Variants in CAMTA1 observed in about 807,000 individuals in gnomAD.
CAMTA1 encodes calmodulin-binding transcription activator 1.
Under a neutral mutation model 170.9 loss-of-function variants are expected in CAMTA1, and 27 were observed. That is an observed-to-expected ratio of 0.16 (90% CI 0.12 to 0.22). CAMTA1 has a LOEUF of 0.22. CAMTA1 is among the 10% of genes least tolerant of loss of function. The pLI is 1.00. For synonymous variants in CAMTA1, 833 were observed against 891.5 expected (o/e 0.93, Z 1.17); for missense variants, 1,619 against 2,217.2 (o/e 0.73, Z 5.42).
intron 3 of CAMTA1, among the ~76,000 whole-genome samples, chr1:6,975,770 A>G (rs6679134): frequency 0.49 from 74,457 of 151,934 alleles, 18,422 homozygotes; most frequent in East Asian, 0.6. Flanking sequence ...TAATCGCCCC[A>G]AAAGGAAGCC....
chr1:7,117,685 G>T (rs188720803), intron 4 of CAMTA1, among the ~76,000 whole-genome samples: 5 of 152,250 alleles, frequency 3.3e-5, no homozygotes, highest in Admixed American at 3.3e-4. Flanking sequence ...GGCCTCTGGC[G>T]CTGGCTTATG....
chr1:7,619,838 C>T (rs542001001), intron 6 of CAMTA1, among the ~76,000 whole-genome samples: 17 of 152,152 alleles, frequency 1.1e-4, no homozygotes, highest in Non-Finnish European at 2.2e-4. Flanking sequence ...TTAGTAGAGA[C>T]GGAGTTTCAC....
At chr1:7,631,945 G>T (rs1356948542) in intron 6 of CAMTA1, among the ~76,000 whole-genome samples, 1 of 152,212 alleles carries the variant, frequency 6.6e-6, no homozygotes, top group Admixed American at 6.5e-5. Context: ...CAGCCAGAAG[G>T]TGGGTGAGAG....
intron 4 of CAMTA1, among the ~76,000 whole-genome samples, chr1:7,117,875 C>A (rs1261503469): frequency 6.6e-6 from 1 of 152,186 alleles, no homozygotes; most frequent in Non-Finnish European, 1.5e-5. Flanking sequence ...CCTGCTGTCC[C>A]TACCAGGCCT....
At chr1:7,158,597 A>G (rs1409865607) in intron 4 of CAMTA1, among the ~76,000 whole-genome samples, 1 of 152,238 alleles carries the variant, frequency 6.6e-6, no homozygotes, top group Non-Finnish European at 1.5e-5. Context: ...TTACTCTGAA[A>G]TGCATCAAAA....
intron 6 of CAMTA1, among the ~76,000 whole-genome samples, chr1:7,610,589 G>A (rs1576385943): frequency 3.3e-5 from 5 of 152,268 alleles, no homozygotes; most frequent in Admixed American, 3.3e-4. Flanking sequence ...AGACTCCGTG[G>A]CCCCTCCTAT....
intron 11 of CAMTA1, among the ~76,000 whole-genome samples, chr1:7,704,643 G>A (rs1162092260): frequency 6.7e-6 from 1 of 148,838 alleles, no homozygotes; most frequent in Admixed American, 6.7e-5. Flanking sequence ...GGACCACGCG[G>A]CCTGGGGGGC....
intron 4 of CAMTA1, among the ~76,000 whole-genome samples, chr1:7,091,716 T>C (rs1641493437): frequency 6.6e-6 from 1 of 152,176 alleles, no homozygotes; most frequent in Non-Finnish European, 1.5e-5. Flanking sequence ...AAACGTGCTT[T>C]GAAAAAAGAG....
intron 6 of CAMTA1, among the ~76,000 whole-genome samples, chr1:7,607,400 TGGA>T (rs2095494641): frequency 9.7e-6 from 1 of 103,454 alleles, no homozygotes; most frequent in Admixed American, 8.8e-5. Context: ...GGTGGACTGG[TGGA>T]TGGATGGATG....
At chr1:7,151,818 G>A (rs754733849) in intron 4 of CAMTA1, among the ~76,000 whole-genome samples, 5 of 152,130 alleles carry the variant, frequency 3.3e-5, no homozygotes, top group African/African-American at 7.2e-5. Context: ...TGCATACTCC[G>A]TTTGTATTTT....
intron 5 of CAMTA1, among the ~76,000 whole-genome samples, chr1:7,414,229 T>A (rs2149275371): frequency 1.3e-5 from 2 of 152,360 alleles, no homozygotes; most frequent in African/African-American, 4.8e-5. Flanking sequence ...TTTTTTTGGT[T>A]GTATCTCTGC....
intron 3 of CAMTA1, among the ~76,000 whole-genome samples, chr1:6,826,581 C>T (rs1647138843): frequency 6.6e-6 from 1 of 152,046 alleles, no homozygotes; most frequent in Admixed American, 6.5e-5. Context: ...CTTAGTATTC[C>T]CTGAAACGTA....
chr1:6,881,923 C>T (rs1671741032), intron 3 of CAMTA1, among the ~76,000 whole-genome samples: 1 of 151,954 alleles, frequency 6.6e-6, no homozygotes, highest in South Asian at 2.1e-4. Context: ...GTGGAGATCG[C>T]ACCACTGCAC....
At chr1:7,085,602 C>A (rs1034728731) in intron 3 of CAMTA1, among the ~76,000 whole-genome samples, 1 of 152,250 alleles carries the variant, frequency 6.6e-6, no homozygotes, top group Non-Finnish European at 1.5e-5. Flanking sequence ...GCAAGGGAGA[C>A]TCCCCTGGGA....
chr1:7,679,754 G>C (rs544510447), intron 11 of CAMTA1, among the ~76,000 whole-genome samples: 1 of 152,256 alleles, frequency 6.6e-6, no homozygotes, highest in African/African-American at 2.4e-5. Flanking sequence ...TAGGGGAACA[G>C]TAGCTCCGCA....
chr1:7,721,146 T>C (rs1183675861), intron 11 of CAMTA1, among the ~76,000 whole-genome samples: 2 of 152,212 alleles, frequency 1.3e-5, no homozygotes, highest in African/African-American at 2.4e-5. Flanking sequence ...TTCTAGCCTC[T>C]AGCAGGAATG....
chr1:6,957,763 C>G (rs186144395), intron 3 of CAMTA1, among the ~76,000 whole-genome samples: 23 of 151,560 alleles, frequency 1.5e-4, no homozygotes, highest in African/African-American at 5.6e-4. Flanking sequence ...CACCATGTAA[C>G]GTAGTATATT....
intron 3 of CAMTA1, among the ~76,000 whole-genome samples, chr1:6,920,761 T>C (rs1000716339): frequency 6.6e-6 from 1 of 152,236 alleles, no homozygotes; most frequent in African/African-American, 2.4e-5. Context: ...GGCTTAGGGC[T>C]TCCACCCTCT....
chr1:6,924,591 T>C (rs1036469404), intron 3 of CAMTA1, among the ~76,000 whole-genome samples: 1 of 152,142 alleles, frequency 6.6e-6, no homozygotes, highest in African/African-American at 2.4e-5. Flanking sequence ...GGAGGAAATA[T>C]ATATTTAGAC....
Sources: allele counts gnomAD v4.1 joint callset (sites outside exome capture counted in the v4.1 genomes callset), GRCh38; gene constraint gnomAD v4.1.1; transcripts MANE v1.5; gene names NCBI Gene and HGNC (gene_info 2026-07-23, HGNC 2026-07-21).